Variants in PRDM16 observed in about 807,000 individuals in gnomAD.
PRDM16 encodes histone-lysine N-methyltransferase PRDM16.
Under a neutral mutation model 110.6 loss-of-function variants are expected in PRDM16, and 23 were observed. The observed-to-expected ratio is 0.21, with a 90% CI of 0.15 to 0.29. The LOEUF is 0.29. Ranked by LOEUF, PRDM16 falls within the 10% of genes least tolerant of loss-of-function variation. The probability of loss-of-function intolerance (pLI) is 1.00; values close to 1 mark genes in which losing one functional copy is unlikely to be tolerated. For synonymous variants in PRDM16, 799 were observed against 781.8 expected, an observed-to-expected ratio of 1.02 and a Z score of -0.37; for missense variants, 1,615 against 1,794.3, an observed-to-expected ratio of 0.90 and a Z score of 1.81.
intron 3 of PRDM16, among the ~76,000 whole-genome samples, chr1:3,335,346 G>A (rs1642121499): frequency 6.6e-6 from 1 of 152,178 alleles, no homozygotes; most frequent in Non-Finnish European, 1.5e-5. Flanking sequence ...CTGAGGGCTG[G>A]GGCCGGCCTG....
intron 1 of PRDM16, among the ~76,000 whole-genome samples, chr1:3,135,099 G>A (rs986999827): frequency 6.6e-6 from 1 of 152,228 alleles, no homozygotes; most frequent in Admixed American, 6.5e-5. Context: ...CACTTTCCTC[G>A]GGAGCTCGCT....
chr1:3,366,341 C>T (rs1435652412), intron 3 of PRDM16, among the ~76,000 whole-genome samples: 1 of 152,252 alleles, frequency 6.6e-6, no homozygotes, highest in Non-Finnish European at 1.5e-5. Context: ...AAGGCACGCA[C>T]TCTCTGTGGG....
intron 1 of PRDM16, among the ~76,000 whole-genome samples, chr1:3,174,735 C>T (rs958612016): frequency 1.3e-5 from 2 of 152,078 alleles, no homozygotes; most frequent in African/African-American, 2.4e-5. Context: ...GGGCTGGGAG[C>T]CTGTCTCTGA....
chr1:3,262,722 G>A (rs1157223811), intron 3 of PRDM16, among the ~76,000 whole-genome samples: 1 of 152,242 alleles, frequency 6.6e-6, no homozygotes, highest in African/African-American at 2.4e-5. Flanking sequence ...CAGTGACGAT[G>A]ACAGCAGTAA....
chr1:3,246,515 C>T lies in PRDM16; in HGVS notation c.438+2378C>T, dbSNP rs1360249741. On this transcript the variant is annotated intron_variant, in intron 3 of 16. Coordinates refer to ENST00000270722, the MANE Select transcript of PRDM16 (RefSeq NM_022114.4). The surrounding 1 kb of genome is among the most constrained non-coding windows in gnomAD (Gnocchi z 5.2). The stretch of plus-strand genomic sequence containing the variant: ...GGGCGGTCCTGTCCAAGCAGGCCTC[C>T]TGACCCCAGCCCAGGGCTCCTCCCT... Among the ~76,000 whole-genome samples the T allele has an allele frequency of 6.6e-6, 1 of 152,188 alleles. No individual in the cohort carries two copies. Among genetic ancestry groups the T allele is most frequent in the Non-Finnish European group, 1.5e-5 (1 of 68,034 alleles).
intron 3 of PRDM16, among the ~76,000 whole-genome samples, chr1:3,270,454 A>T (rs1408980660): frequency 6.7e-6 from 1 of 149,278 alleles, no homozygotes; most frequent in African/African-American, 2.5e-5. Context: ...GTCCAGAAGG[A>T]GGACAGTCGG....
intron 14 of PRDM16, 27 bp downstream of exon 14, chr1:3,426,252 A>G: frequency 6.2e-7 from 1 of 1,604,622 alleles, no homozygotes; most frequent in Non-Finnish European, 8.5e-7. Context: ...GGGCTGGGGA[A>G]AGTCTGGACC....
chr1:3,375,168 G>A (rs935776618), intron 3 of PRDM16, among the ~76,000 whole-genome samples: 1 of 152,160 alleles, frequency 6.6e-6, no homozygotes, highest in Non-Finnish European at 1.5e-5. Context: ...GTGGGAGATC[G>A]GGGCTGGGAG....
At chr1:3,158,392 AAAATTTAAATGTAATT>A (rs1643873909) in intron 1 of PRDM16, among the ~76,000 whole-genome samples, 1 of 152,264 alleles carries the variant, frequency 6.6e-6, no homozygotes, top group South Asian at 2.1e-4. Flanking sequence ...ATTTTCATTT[AAAATTTAAATGTAATT>A]AAATTTAAAA....
At chr1:3,216,461 C>T (rs1398951684) in intron 2 of PRDM16, among the ~76,000 whole-genome samples, 2 of 152,232 alleles carry the variant, frequency 1.3e-5, no homozygotes, top group Non-Finnish European at 2.9e-5. Flanking sequence ...CCAATATGGC[C>T]TGCGTGGGGA....
chr1:3,410,016 G>GCT (rs1304165114), intron 8 of PRDM16, among the ~76,000 whole-genome samples: 8 of 141,514 alleles, frequency 5.7e-5, no homozygotes, highest in Non-Finnish European at 1.2e-4. Flanking sequence ...ATGTGTGTGT[G>GCT]CTGTGTGTGC....
intron 1 of PRDM16, among the ~76,000 whole-genome samples, chr1:3,107,321 G>A (rs1642680907): frequency 6.6e-6 from 1 of 152,200 alleles, no homozygotes; most frequent in African/African-American, 2.4e-5. Context: ...CAAAGAGCTG[G>A]GAGCAGGTGG....
At chr1:3,090,215 C>T (rs2100595964) in intron 1 of PRDM16, among the ~76,000 whole-genome samples, 1 of 152,352 alleles carries the variant, frequency 6.6e-6, no homozygotes, top group Non-Finnish European at 1.5e-5. Flanking sequence ...TGGTCCCCCA[C>T]AGGACATGCA....
chr1:3,396,467 TTCTC>T lies in PRDM16; in HGVS notation c.574-20_574-17del, dbSNP rs565661633. ...GACACCAACAAACCACACTCACCCT[TTCTC>T]TCTGGTCTCTCCATCCTAGATTTAC... On this transcript the variant is annotated intron_variant, in intron 4 of 16. Transcript: ENST00000270722. The T allele has an allele frequency of 1.6e-3, 2,221 of 1,347,408 alleles. 7 individuals are homozygous for T. The highest frequency in any genetic ancestry group is 2.0e-3 in the Non-Finnish European group (1,940 of 953,776). 83.5% of individuals were successfully genotyped at this position (1,347,408 alleles called of 1,614,324 possible). A position where few individuals can be genotyped will look rare whatever the true frequency, so the allele number is the denominator to read the frequency against.
At chr1:3,297,847 G>A (rs1641122729) in intron 3 of PRDM16, among the ~76,000 whole-genome samples, 1 of 152,202 alleles carries the variant, frequency 6.6e-6, no homozygotes, top group African/African-American at 2.4e-5. Context: ...AGTAAAAAGG[G>A]AATAGAAGCC....
chr1:3,071,902 C>T (rs531689844), intron 1 of PRDM16, among the ~76,000 whole-genome samples: 1 of 152,350 alleles, frequency 6.6e-6, no homozygotes, highest in East Asian at 1.9e-4. Context: ...CTGGAGACCC[C>T]ACTCCAAGCC....
At chr1:3,337,707 G>T (rs1642189235) in intron 3 of PRDM16, among the ~76,000 whole-genome samples, 1 of 152,212 alleles carries the variant, frequency 6.6e-6, no homozygotes. Context: ...GTGTGATGCT[G>T]TGCGGTTTTC....
At chr1:3,332,974 G>T (rs565456953) in intron 3 of PRDM16, among the ~76,000 whole-genome samples, 2 of 152,214 alleles carry the variant, frequency 1.3e-5, no homozygotes, top group South Asian at 4.1e-4. Flanking sequence ...ATATTCTGCT[G>T]CAGACTCCTC....
At chr1:3,433,165 C>G (rs1368126833) in intron 16 of PRDM16, among the ~76,000 whole-genome samples, 5 of 152,232 alleles carry the variant, frequency 3.3e-5, no homozygotes, top group Non-Finnish European at 7.3e-5. Context: ...GGGGAGCACC[C>G]CAAAGCAGCC....
Sources: allele counts gnomAD v4.1 joint callset (sites outside exome capture counted in the v4.1 genomes callset), GRCh38; gene constraint gnomAD v4.1.1; non-coding constraint Gnocchi (gnomAD v3.1); transcripts MANE v1.5; gene names NCBI Gene and HGNC (gene_info 2026-07-23, HGNC 2026-07-21).